SLIT3: variants seen among roughly 807,000 people sequenced by gnomAD.
SLIT3 encodes the protein slit guidance ligand 3.
Under a neutral mutation model 184.0 loss-of-function variants are expected in SLIT3, and 68 were observed. The ratio of observed to expected loss-of-function variants is 0.37; its 90% CI spans 0.30 to 0.45. The LOEUF is 0.45. SLIT3 is among the 20% of genes least tolerant of loss of function. The probability of loss-of-function intolerance (pLI) is 1.00; values close to 1 mark genes in which losing one functional copy is unlikely to be tolerated. For synonymous variants in SLIT3, 831 were observed against 828.6 expected (o/e 1.00, Z -0.05); for missense variants, 1,707 against 2,026.0 (o/e 0.84, Z 3.02).
At chr5:169,009,412 C>T (rs1158787806) in intron 4 of SLIT3, among the ~76,000 whole-genome samples, 4 of 152,226 alleles carry the variant, frequency 2.6e-5, no homozygotes, top group African/African-American at 9.7e-5. Flanking sequence ...TGTTTGCAAA[C>T]AGGCTCTTCC....
At chr5:169,216,577 T>C (rs1764441561) in intron 3 of SLIT3, among the ~76,000 whole-genome samples, 1 of 152,174 alleles carries the variant, frequency 6.6e-6, no homozygotes, top group South Asian at 2.1e-4. Context: ...GCTGAAAAGC[T>C]CACCATTGAA....
chr5:168,700,588 C>T lies in SLIT3; in HGVS notation c.2936G>A (p.Gly979Glu). ...TCHLSDSHKD[G>E]FSCSCPLGFE... ...GCCAGGGGTGAACTGTTACCTGAAC[C>T]CATCCTTGTGGCTGTCACTCAGGTG... The change falls in exon 27 of 36, where the codon GGG becomes GAG. Residue 979 changes from glycine (G) to glutamate (E), a missense_variant. Gly to Glu is a moderately conservative substitution (Grantham distance 98, BLOSUM62 -2). Transcript: ENST00000519560. The T allele has an allele frequency of 6.2e-7, 1 of 1,613,166 alleles. No homozygotes were observed. The highest frequency in any genetic ancestry group is 8.5e-7 in the Non-Finnish European group (1 of 1,179,180).
rs1393326892 is a variant in SLIT3 at position 168,875,061 on chromosome 5, AAGGAAAGAAGGGAGGAAGAGGGGG to A, written c.485+8180_485+8203del. Among the ~76,000 whole-genome samples the A allele has an allele frequency of 1.7e-4, 17 of 100,852 alleles. 1 individual carries two copies. In the South Asian group the frequency reaches 4.0e-3, roughly 24 times the overall value. 66.2% of individuals were successfully genotyped at this position (100,852 alleles called of 152,430 possible). A position where few individuals can be genotyped will look rare whatever the true frequency, so the allele number is the denominator to read the frequency against. ...ATAAAAAGGAAGAGTGGAAGAAAGG[AAGGAAAGAAGGGAGGAAGAGGGGG>A]AGGAAAGAAGGGAGGAAGCGGGGGA... On this transcript the variant is annotated intron_variant, in intron 5 of 35. Transcript: ENST00000519560.
At chr5:169,105,281 A>G (rs898664157) in intron 4 of SLIT3, among the ~76,000 whole-genome samples, 8 of 152,194 alleles carry the variant, frequency 5.3e-5, no homozygotes, top group South Asian at 2.1e-4. Flanking sequence ...CCGCACATAA[A>G]TTTAACCTCT....
intron 4 of SLIT3, among the ~76,000 whole-genome samples, chr5:168,937,555 A>C (rs1043519858): frequency 3.3e-5 from 5 of 152,078 alleles, no homozygotes; most frequent in African/African-American, 7.2e-5. Flanking sequence ...GGTTGGGGTA[A>C]GGGGGAGTTG....
At chr5:168,999,970 G>T (rs371440717) in intron 4 of SLIT3, among the ~76,000 whole-genome samples, 7 of 152,188 alleles carry the variant, frequency 4.6e-5, no homozygotes, top group Non-Finnish European at 1.0e-4. Flanking sequence ...TCCACTTGGG[G>T]TCTGGGTATC....
At chr5:168,713,743 A>G (rs1387536723) in intron 23 of SLIT3, among the ~76,000 whole-genome samples, 1 of 152,254 alleles carries the variant, frequency 6.6e-6, no homozygotes. Context: ...GATAGAGAAC[A>G]GTGGCTCTCA....
chr5:169,259,583 G>A (rs1766094522), intron 1 of SLIT3, among the ~76,000 whole-genome samples: 1 of 152,132 alleles, frequency 6.6e-6, no homozygotes, highest in South Asian at 2.1e-4. Context: ...CTGCCTTCTG[G>A]GTTTCAGGAA....
chr5:168,683,949 G>A lies in SLIT3; in HGVS notation c.3686+17C>T. On this transcript the variant is annotated intron_variant, in intron 32 of 35. Coordinates refer to ENST00000519560, the MANE Select transcript of SLIT3 (RefSeq NM_003062.4). ...CGGAGGAACACACAGTGGGTCAGGAGGGAGAGAGGCCCTTACCTGTACACT... is the reference window on the plus strand; with the variant it reads ...CGGAGGAACACACAGTGGGTCAGGAAGGAGAGAGGCCCTTACCTGTACACT... The A allele has an allele frequency of 6.7e-7, 1 of 1,501,708 alleles. No homozygotes were observed. The allele number at this position is 1,501,708 out of a possible 1,614,324, so 93.0% of individuals were successfully genotyped here.
intron 6 of SLIT3, among the ~76,000 whole-genome samples, chr5:168,842,266 A>T (rs139424994): frequency 6.6e-6 from 1 of 152,316 alleles, no homozygotes; most frequent in Non-Finnish European, 1.5e-5. Context: ...AATTTTAAGT[A>T]CTTAGCCATG....
chr5:169,232,683 G>T (rs1765048303), intron 3 of SLIT3, among the ~76,000 whole-genome samples: 1 of 152,156 alleles, frequency 6.6e-6, no homozygotes, highest in Non-Finnish European at 1.5e-5. Flanking sequence ...ATTCCAGGTG[G>T]CCTCACAGAG....
chr5:168,900,167 A>T (rs1328804314), intron 4 of SLIT3, among the ~76,000 whole-genome samples: 2 of 152,226 alleles, frequency 1.3e-5, no homozygotes, highest in Non-Finnish European at 2.9e-5. Flanking sequence ...GAGGTAAGGG[A>T]GCACTTATAC....
intron 10 of SLIT3, chr5:168,791,365 C>T (rs1006486365): frequency 6.6e-6 from 1 of 152,204 alleles, no homozygotes; most frequent in Non-Finnish European, 1.5e-5. Flanking sequence ...TCTCTCCCTA[C>T]AGTATGAGGT....
chr5:168,827,500 AT>A (rs1189025223), intron 6 of SLIT3, among the ~76,000 whole-genome samples: 2 of 152,172 alleles, frequency 1.3e-5, no homozygotes, highest in Non-Finnish European at 2.9e-5. Context: ...CTGTTGTCAC[AT>A]CTCCTGACAC....
intron 3 of SLIT3, among the ~76,000 whole-genome samples, chr5:169,203,043 A>G (rs1247259988): frequency 2.6e-5 from 4 of 152,148 alleles, no homozygotes; most frequent in Admixed American, 2.0e-4. Flanking sequence ...AAGATGGACA[A>G]GAGTCCTGTC....
At chr5:169,045,413 G>A (rs1198084864) in intron 4 of SLIT3, among the ~76,000 whole-genome samples, 1 of 145,044 alleles carries the variant, frequency 6.9e-6, no homozygotes, top group African/African-American at 2.6e-5. Context: ...CTTCTTCCAA[G>A]TGTAGTCCAT....
intron 4 of SLIT3, among the ~76,000 whole-genome samples, chr5:169,060,465 A>T (rs532204892): frequency 7.2e-5 from 11 of 152,364 alleles, no homozygotes; most frequent in African/African-American, 2.6e-4. Flanking sequence ...CCCAGTCTAT[A>T]TCAGCCCAAA....
chr5:169,200,961 C>T (rs17070982), intron 3 of SLIT3, among the ~76,000 whole-genome samples: 1 of 152,168 alleles, frequency 6.6e-6, no homozygotes, highest in Admixed American at 6.5e-5. Flanking sequence ...AGACTCAATA[C>T]CCAGGGCCAT....
At chr5:168,744,077 C>G (rs1405945708) in intron 20 of SLIT3, among the ~76,000 whole-genome samples, 7 of 152,146 alleles carry the variant, frequency 4.6e-5, no homozygotes, top group African/African-American at 1.4e-4. Flanking sequence ...ATCATAAGGT[C>G]AGGAGATCGA....
Sources: gnomAD v4.1 joint callset for allele counts (sites outside exome capture counted in the v4.1 genomes callset) on GRCh38, gnomAD v4.1.1 for gene constraint, MANE v1.5 for transcripts, NCBI Gene and HGNC (gene_info 2026-07-23, HGNC 2026-07-21) for gene names.